ANO4: variants seen among roughly 807,000 people sequenced by gnomAD.
ANO4 encodes anoctamin-4.
Under a neutral mutation model 141.9 loss-of-function variants are expected in ANO4, and 69 were observed. That is an observed-to-expected ratio of 0.49 (90% CI 0.40 to 0.59). The LOEUF (loss-of-function observed/expected upper bound fraction) is 0.59, where lower values mean the gene tolerates loss of function less well. Ranked by LOEUF, ANO4 falls within the 20% of genes least tolerant of loss-of-function variation. The pLI, the probability that ANO4 is intolerant of heterozygous loss-of-function variation, is 0.00. For missense variants in ANO4, 894 were observed against 1,162.2 expected (o/e 0.77, Z 3.36); for synonymous variants, 350 against 394.3 (o/e 0.89, Z 1.33).
chr12:100,997,331 C>CAA (rs34066695), intron 8 of ANO4, among the ~76,000 whole-genome samples: 25,260 of 75,642 alleles, frequency 0.33, 4,334 homozygotes, highest in Non-Finnish European at 0.39. Flanking sequence ...GACTCTGTCT[C>CAA]AAAAAAAAAA....
intron 3 of ANO4, among the ~76,000 whole-genome samples, chr12:100,778,047 G>C (rs964540647): frequency 2.6e-5 from 4 of 151,572 alleles, no homozygotes; most frequent in African/African-American, 7.3e-5. Flanking sequence ...AGCCTCCCGA[G>C]TAGCTGGGAC....
At chr12:101,090,877 A>G (rs2049742142) in intron 17 of ANO4, among the ~76,000 whole-genome samples, 1 of 152,184 alleles carries the variant, frequency 6.6e-6, no homozygotes, top group South Asian at 2.1e-4. Flanking sequence ...TGATCCAGCA[A>G]TATCTATTTC....
chr12:100,873,091 CT>C (rs1355312470), intron 1 of ANO4, among the ~76,000 whole-genome samples: 3 of 152,204 alleles, frequency 2.0e-5, no homozygotes, highest in African/African-American at 7.2e-5. Context: ...TTCTTGAGGC[CT>C]CCCCAGCCAT....
intron 2 of ANO4, among the ~76,000 whole-genome samples, chr12:100,736,145 C>G (rs192919992): frequency 6.6e-6 from 1 of 151,882 alleles, no homozygotes; most frequent in East Asian, 1.9e-4. Flanking sequence ...GAGTGGGTGG[C>G]GGGATGGGAG....
At chr12:101,034,527 C>T (rs775193503) in intron 9 of ANO4, among the ~76,000 whole-genome samples, 6 of 151,864 alleles carry the variant, frequency 4.0e-5, no homozygotes, top group Non-Finnish European at 8.8e-5. Context: ...GAGGACAGGT[C>T]AATAGGAGCA....
At chr12:101,047,965 T>C (rs2047697881) in intron 13 of ANO4, 1 of 990,854 alleles carries the variant, frequency 1.0e-6, no homozygotes. Context: ...GCTTGGGAAG[T>C]TGAAAACCTT....
At chr12:101,049,743 G>T (rs1345205257) in intron 14 of ANO4, among the ~76,000 whole-genome samples, 1 of 152,106 alleles carries the variant, frequency 6.6e-6, no homozygotes, top group Non-Finnish European at 1.5e-5. Context: ...TGTGTCTTTT[G>T]TACCTAGAGA....
chr12:101,064,436 A>G (rs2653450), intron 14 of ANO4, among the ~76,000 whole-genome samples: 40,006 of 151,974 alleles, frequency 0.26, 5,614 homozygotes, highest in East Asian at 0.56. Flanking sequence ...ATCTTGGAAA[A>G]TGTTCCAAGT....
intron 3 of ANO4, among the ~76,000 whole-genome samples, chr12:100,767,508 TG>T (rs1343156264): frequency 6.6e-6 from 1 of 152,210 alleles, no homozygotes; most frequent in African/African-American, 2.4e-5. Context: ...ACACAAGCAC[TG>T]TGATACCATG....
At chr12:100,845,598 G>T (rs542676240) in intron 1 of ANO4, among the ~76,000 whole-genome samples, 4 of 151,974 alleles carry the variant, frequency 2.6e-5, no homozygotes, top group Non-Finnish European at 5.9e-5. Context: ...TGTCTATATG[G>T]TACATATGTC....
Position 100,970,659 on chromosome 12 carries a change from C to CG in ANO4, c.457-647_457-646insG, listed in dbSNP as rs1566071629. 1.8e-3 allele frequency among the ~76,000 whole-genome samples: 209 copies of CG among 113,740 alleles called. 3 individuals carry two copies. Among genetic ancestry groups the CG allele is most frequent in the Non-Finnish European group, 2.2e-3 (111 of 50,264 alleles). The allele number at this position is 113,740 out of a possible 152,430, so 74.6% of individuals were successfully genotyped here. Reference sequence around the variant, plus strand: ...TCCCTCCCTTCCTCCCTCCCTCCCTCCCTCTCCTTCCTTCCTTCCTTCCTT... The same window carrying CG: ...TCCCTCCCTTCCTCCCTCCCTCCCTCGCCTCTCCTTCCTTCCTTCCTTCCTT... On this transcript the variant is annotated intron_variant, in intron 5 of 27. Transcript: ENST00000392977.
chr12:100,819,364 A>G (rs1005431014), intron 1 of ANO4, among the ~76,000 whole-genome samples: 1 of 151,964 alleles, frequency 6.6e-6, no homozygotes, highest in Non-Finnish European at 1.5e-5. Flanking sequence ...TAGATAGGAA[A>G]GGGGAAAAGC....
At chr12:101,060,977 A>G (rs2048322543) in intron 14 of ANO4, among the ~76,000 whole-genome samples, 1 of 152,162 alleles carries the variant, frequency 6.6e-6, no homozygotes, top group Non-Finnish European at 1.5e-5. Flanking sequence ...CATAGCGTCA[A>G]TAGTCTTGAC....
At chr12:100,983,101 G>A (rs1746030174) in intron 7 of ANO4, among the ~76,000 whole-genome samples, 1 of 152,196 alleles carries the variant, frequency 6.6e-6, no homozygotes, top group African/African-American at 2.4e-5. Context: ...GTGTGGCAAA[G>A]TTTGGAGACA....
At chr12:100,966,633 G>C (rs2043665827) in intron 5 of ANO4, among the ~76,000 whole-genome samples, 1 of 152,022 alleles carries the variant, frequency 6.6e-6, no homozygotes, top group African/African-American at 2.4e-5. Context: ...TCCTGGGCAT[G>C]TCAAACTTAA....
At chr12:100,762,261 G>A (rs2032893678) in intron 3 of ANO4, among the ~76,000 whole-genome samples, 1 of 152,168 alleles carries the variant, frequency 6.6e-6, no homozygotes, top group Admixed American at 6.5e-5. Flanking sequence ...TCAGCATATG[G>A]AGGTGAAAAT....
intron 12 of ANO4, among the ~76,000 whole-genome samples, 199 bp downstream of exon 12, chr12:101,042,667 C>A (rs950379282): frequency 1.3e-5 from 2 of 152,188 alleles, no homozygotes; most frequent in Non-Finnish European, 2.9e-5. Context: ...AGATACCATG[C>A]AAGTAAAAGT....
intron 1 of ANO4, among the ~76,000 whole-genome samples, chr12:100,808,384 C>T (rs1013401273): frequency 1.3e-4 from 20 of 152,044 alleles, no homozygotes; most frequent in Non-Finnish European, 1.5e-5. Context: ...TGCCCTTTGC[C>T]CACTTTTTAA....
At chr12:100,937,698 A>C (rs1253838100) in intron 3 of ANO4, among the ~76,000 whole-genome samples, 1 of 152,136 alleles carries the variant, frequency 6.6e-6, no homozygotes, top group African/African-American at 2.4e-5. Context: ...ATTATCTTAT[A>C]CTTCTGGAGG....
Sources: gnomAD v4.1 joint callset for allele counts (sites outside exome capture counted in the v4.1 genomes callset) on GRCh38, gnomAD v4.1.1 for gene constraint, MANE v1.5 for transcripts, NCBI Gene and HGNC (gene_info 2026-07-23, HGNC 2026-07-21) for gene names.